The following ABLIM1 variants were observed in gnomAD, a reference collection of about 807,000 sequenced individuals.
ABLIM1 encodes the protein actin-binding LIM protein 1.
A neutral mutation model predicts 107.0 loss-of-function variants in ABLIM1; 40 were observed. The observed-to-expected ratio is 0.37, with a 90% CI of 0.29 to 0.49. The LOEUF is 0.49. ABLIM1 is among the 20% of genes least tolerant of loss of function. The pLI is 0.97. For missense variants in ABLIM1, 857 were observed against 1,008.5 expected, an observed-to-expected ratio of 0.85 and a Z score of 2.04; for synonymous variants, 357 against 357.3, an observed-to-expected ratio of 1.00 and a Z score of 0.01.
chr10:114,672,415 G>A (rs2080296106), intron 1 of ABLIM1, among the ~76,000 whole-genome samples: 1 of 152,104 alleles, frequency 6.6e-6, no homozygotes. Flanking sequence ...TGGCCAGAGT[G>A]GTCTCGAGCT....
chr10:114,677,837 T>C (rs2080558957), intron 1 of ABLIM1, among the ~76,000 whole-genome samples: 1 of 152,218 alleles, frequency 6.6e-6, no homozygotes, highest in Non-Finnish European at 1.5e-5. Flanking sequence ...TGACTGTAAT[T>C]GAGTAAACTG....
At chr10:114,706,171 A>C (rs765022291) in intron 1 of ABLIM1, among the ~76,000 whole-genome samples, 1 of 152,238 alleles carries the variant, frequency 6.6e-6, no homozygotes, top group Non-Finnish European at 1.5e-5. Context: ...ATATAATTAG[A>C]GAAGGAGAAG....
chr10:114,575,745 T>G, intron 2 of ABLIM1, 146 bp from the exon 3 acceptor site: 1 of 840,040 alleles, frequency 1.2e-6, no homozygotes, highest in Non-Finnish European at 1.8e-6. Context: ...CTATTTATTA[T>G]TGGGCTCTGA....
intron 1 of ABLIM1, chr10:114,690,090 T>C (rs1461604516): frequency 5.3e-5 from 53 of 1,009,328 alleles, no homozygotes; most frequent in Non-Finnish European, 4.9e-5. Flanking sequence ...GAGGGTGCTC[T>C]CCTGAGCTAC....
At chr10:114,709,358 C>T (rs1234312484) in intron 1 of ABLIM1, among the ~76,000 whole-genome samples, 2 of 152,160 alleles carry the variant, frequency 1.3e-5, no homozygotes, top group Non-Finnish European at 2.9e-5. Flanking sequence ...ATCTTCCAGC[C>T]ATCAGACCTG....
intron 12 of ABLIM1, chr10:114,463,306 G>A: frequency 3.8e-6 from 3 of 796,562 alleles, no homozygotes; most frequent in South Asian, 1.8e-5. Flanking sequence ...AGGGAGGAAG[G>A]AGAAAGGGTT....
intron 19 of ABLIM1, 122 bp from the exon 20 acceptor site, chr10:114,440,211 C>G: frequency 9.8e-7 from 1 of 1,021,526 alleles, no homozygotes. Flanking sequence ...TGTTCTTTTT[C>G]TGCTCCCAGA....
Position 114,547,630 on chromosome 10 carries a change from G to A in ABLIM1, c.800+20C>T, listed in dbSNP as rs2067524714. ...GCCCGGTGCCCACTGAAAGGAACGC[G>A]TGCCCGCGCCCAGCCTTACTTGCTG... On this transcript the variant is annotated intron_variant, in intron 5 of 22. Coordinates refer to ENST00000533213, the MANE Select transcript of ABLIM1 (RefSeq NM_002313.7). 18 of 1,612,950 alleles carry A rather than the reference G, an allele frequency of 1.1e-5. No homozygotes were observed. The highest frequency in any genetic ancestry group is 1.4e-5 in the Non-Finnish European group (16 of 1,179,766).
chr10:114,565,788 C>CTTTTTTTTTTTTTTTTTTTTTTT, intron 4 of ABLIM1, among the ~76,000 whole-genome samples: 1 of 101,072 alleles, frequency 9.9e-6, no homozygotes, highest in Non-Finnish European at 2.0e-5. Context: ...GAAATGATTT[C>CTTTTTTTTTTTTTTTTTTTTTTT]TTTTTTTTTT....
chr10:114,483,489 C>T (rs1439236005), intron 8 of ABLIM1, among the ~76,000 whole-genome samples: 1 of 152,128 alleles, frequency 6.6e-6, no homozygotes, highest in African/African-American at 2.4e-5. Context: ...ATTGCCCAGG[C>T]TGGTCTCAAA....
At chr10:114,599,372 T>C (rs896495696) in intron 2 of ABLIM1, among the ~76,000 whole-genome samples, 1 of 152,204 alleles carries the variant, frequency 6.6e-6, no homozygotes, top group African/African-American at 2.4e-5. Flanking sequence ...CAAGGAGCTT[T>C]CACCCCACAG....
At chr10:114,799,816 A>T in the ABLIM1 span, among the ~76,000 whole-genome samples, 13 of 152,200 alleles carry the variant, frequency 8.5e-5, no homozygotes, top group Non-Finnish European at 1.5e-5. Flanking sequence ...CTGTTGTCCA[A>T]GCTGGAGTGC....
rs1408072252 is a variant in ABLIM1 at position 114,644,306 on chromosome 10, A to AAAATATAT, written c.244+13650_244+13651insATATATTT. Among the ~76,000 whole-genome samples the AAAATATAT allele has an allele frequency of 4.7e-3, 246 of 52,170 alleles. 8 individuals carry two copies. The highest frequency in any genetic ancestry group is 6.8e-3 in the Non-Finnish European group (217 of 31,784). 34.2% of individuals were successfully genotyped at this position (52,170 alleles called of 152,430 possible). A position where few individuals can be genotyped will look rare whatever the true frequency, so the allele number is the denominator to read the frequency against. ...AAAAAAAAAAAAAAAAAAAAAAAAAAATATATATATATATATATATATATG... is the reference window on the plus strand; with the variant it reads ...AAAAAAAAAAAAAAAAAAAAAAAAAAAAATATATATATATATATATATATATATATATG... On this transcript the variant is annotated intron_variant, in intron 1 of 22. Coordinates refer to ENST00000533213, the MANE Select transcript of ABLIM1 (RefSeq NM_002313.7).
intron 6 of ABLIM1, among the ~76,000 whole-genome samples, chr10:114,507,420 A>G (rs1273379444): frequency 6.6e-6 from 1 of 152,238 alleles, no homozygotes; most frequent in African/African-American, 2.4e-5. Context: ...AAATGAGAAT[A>G]TTTTTAAGGC....
chr10:114,495,444 A>G (rs1429563812), intron 6 of ABLIM1, among the ~76,000 whole-genome samples: 1 of 150,388 alleles, frequency 6.6e-6, no homozygotes, highest in African/African-American at 2.4e-5. Context: ...CTGGGGTGGT[A>G]ATGATGATGA....
intron 2 of ABLIM1, among the ~76,000 whole-genome samples, chr10:114,596,982 T>C (rs1477403985): frequency 2.0e-5 from 3 of 152,148 alleles, no homozygotes; most frequent in African/African-American, 7.2e-5. Flanking sequence ...AAAGCTTTGC[T>C]GGACTCGAGG....
In ABLIM1 at chr10:114,573,309, C is replaced by G. The variant is rs41499050; in HGVS notation, c.564-1903G>C. Among the ~76,000 whole-genome samples the G allele has an allele frequency of 2.5e-3, 378 of 152,336 alleles. 3 individuals are homozygous for G. The highest frequency in any genetic ancestry group is 8.8e-3 in the African/African-American group (367 of 41,570). On this transcript the variant is annotated intron_variant, in intron 3 of 22. Coordinates refer to ENST00000533213, the MANE Select transcript of ABLIM1 (RefSeq NM_002313.7). ...AGAGATATTAACTCCTGGTTCCCTTCAAAGAATTGCTAAGAGGGTGAAATT... is the reference window on the plus strand; with the variant it reads ...AGAGATATTAACTCCTGGTTCCCTTGAAAGAATTGCTAAGAGGGTGAAATT...
At chr10:114,721,349 G>C (rs2081841852) in intron 1 of ABLIM1, among the ~76,000 whole-genome samples, 1 of 152,154 alleles carries the variant, frequency 6.6e-6, no homozygotes, top group Non-Finnish European at 1.5e-5. Flanking sequence ...AGCCTGGCCA[G>C]CAGGACCCCA....
At chr10:114,483,013 A>T (rs1003762707) in intron 8 of ABLIM1, among the ~76,000 whole-genome samples, 2 of 152,152 alleles carry the variant, frequency 1.3e-5, no homozygotes, top group Non-Finnish European at 1.5e-5. Flanking sequence ...TCTGAGCAAC[A>T]CTCATTTAAA....
Sources: gnomAD v4.1 joint callset for allele counts (sites outside exome capture counted in the v4.1 genomes callset) on GRCh38, gnomAD v4.1.1 for gene constraint, MANE v1.5 for transcripts, NCBI Gene and HGNC (gene_info 2026-07-23, HGNC 2026-07-21) for gene names.